The following LDB2 variants were observed in gnomAD, a reference collection of about 807,000 sequenced individuals.
LDB2 encodes the protein LIM domain binding 2, also known as LIM domain-binding protein 2.
LDB2 carries 12 observed loss-of-function variants against 44.3 expected under a neutral mutation model. The observed-to-expected ratio is 0.27, with a 90% confidence interval of 0.17 to 0.44. LDB2 has a LOEUF of 0.44. Ranked by LOEUF, LDB2 falls within the 20% of genes least tolerant of loss-of-function variation. The pLI is 1.00. For synonymous variants in LDB2, 164 were observed against 174.8 expected, an observed-to-expected ratio of 0.94 and a Z score of 0.49; for missense variants, 344 against 473.5, an observed-to-expected ratio of 0.73 and a Z score of 2.54.
chr4:16,692,772 TTGA>T (rs1751115661), intron 2 of LDB2, among the ~76,000 whole-genome samples: 1 of 152,068 alleles, frequency 6.6e-6, no homozygotes, highest in African/African-American at 2.4e-5. Flanking sequence ...TGAGGCTGAG[TTGA>T]CCTGTGCTAA....
chr4:16,664,820 G>C (rs147757294), intron 2 of LDB2, among the ~76,000 whole-genome samples: 1 of 152,212 alleles, frequency 6.6e-6, no homozygotes, highest in African/African-American at 2.4e-5. Flanking sequence ...TCGGGTGTCG[G>C]CTGGATGCCA....
intron 2 of LDB2, among the ~76,000 whole-genome samples, chr4:16,624,191 TA>T (rs1729661126): frequency 6.6e-6 from 1 of 152,234 alleles, no homozygotes; most frequent in Non-Finnish European, 1.5e-5. Context: ...TTCACTATAG[TA>T]ATCATTGTTA....
chr4:16,842,274 G>C (rs984182618), intron 1 of LDB2, among the ~76,000 whole-genome samples: 2 of 152,114 alleles, frequency 1.3e-5, no homozygotes, highest in African/African-American at 4.8e-5. Flanking sequence ...ACCTTGAAGA[G>C]GCTTGTTCAA....
At chr4:16,769,762 A>G (rs1770230206) in intron 1 of LDB2, among the ~76,000 whole-genome samples, 1 of 152,168 alleles carries the variant, frequency 6.6e-6, no homozygotes, top group South Asian at 2.1e-4. Flanking sequence ...CATACTACCA[A>G]CATAGCAAAT....
intron 5 of LDB2, among the ~76,000 whole-genome samples, chr4:16,558,868 G>A (rs1207561115): frequency 1.3e-5 from 2 of 152,204 alleles, no homozygotes; most frequent in African/African-American, 2.4e-5. Flanking sequence ...TCTCTCGGCA[G>A]AAACTCTACA....
At chr4:16,539,068 T>C (rs539629858) in intron 5 of LDB2, among the ~76,000 whole-genome samples, 1 of 152,098 alleles carries the variant, frequency 6.6e-6, no homozygotes, top group Admixed American at 6.5e-5. Context: ...GATGTGTGAA[T>C]GGTTAAGTGA....
intron 2 of LDB2, among the ~76,000 whole-genome samples, chr4:16,720,227 T>G (rs937558092): frequency 3.3e-5 from 5 of 150,420 alleles, no homozygotes; most frequent in Non-Finnish European, 7.4e-5. Flanking sequence ...CAGTTGACTT[T>G]AAGAAAGATT....
intron 1 of LDB2, among the ~76,000 whole-genome samples, chr4:16,898,135 T>A (rs1275719151): frequency 6.6e-6 from 1 of 151,514 alleles, no homozygotes; most frequent in Non-Finnish European, 1.5e-5. Context: ...AAGTGCTGGG[T>A]TGTCTCAAGA....
At chr4:16,799,527 T>C (rs1777368233) in intron 1 of LDB2, among the ~76,000 whole-genome samples, 1 of 152,242 alleles carries the variant, frequency 6.6e-6, no homozygotes, top group Admixed American at 6.5e-5. Flanking sequence ...TGCCCCATCC[T>C]TTCCTTTCCT....
chr4:16,636,692 G>A (rs1733703614), intron 2 of LDB2, among the ~76,000 whole-genome samples: 2 of 152,066 alleles, frequency 1.3e-5, no homozygotes, highest in African/African-American at 2.4e-5. Context: ...TGGGGGTGGG[G>A]GACAAGAGGG....
chr4:16,731,216 G>T (rs570340778), intron 2 of LDB2, among the ~76,000 whole-genome samples: 2 of 152,310 alleles, frequency 1.3e-5, no homozygotes, highest in South Asian at 4.1e-4. Context: ...AAATGGGCTG[G>T]AATGGACTGG....
At chr4:16,519,897 C>A (rs989756650) in intron 5 of LDB2, among the ~76,000 whole-genome samples, 1 of 151,906 alleles carries the variant, frequency 6.6e-6, no homozygotes, top group Non-Finnish European at 1.5e-5. Context: ...AAGGCCAGCC[C>A]CACTGAGCCA....
chr4:16,686,024 C>T (rs1469699984), intron 2 of LDB2, among the ~76,000 whole-genome samples: 3 of 151,988 alleles, frequency 2.0e-5, no homozygotes, highest in Non-Finnish European at 4.4e-5. Flanking sequence ...TGCACTCCAG[C>T]ATGGGTGACA....
At chr4:16,824,504 T>G (rs1782694557) in intron 1 of LDB2, among the ~76,000 whole-genome samples, 1 of 152,206 alleles carries the variant, frequency 6.6e-6, no homozygotes. Flanking sequence ...TGTCCAAACA[T>G]TGTCTCATCT....
chr4:16,646,186 C>A (rs148735370), intron 2 of LDB2, among the ~76,000 whole-genome samples: 1 of 152,214 alleles, frequency 6.6e-6, no homozygotes, highest in Non-Finnish European at 1.5e-5. Flanking sequence ...AGACTGGCTT[C>A]TAAGTTTCCA....
At chr4:16,506,053 G>T in intron 7 of LDB2, 2 of 1,494,604 alleles carry the variant, frequency 1.3e-6, no homozygotes, top group Non-Finnish European at 1.8e-6. Flanking sequence ...CATCGCTGCC[G>T]CAGCAGCTAC....
At chr4:16,515,088 T>C (rs1182084815) in intron 5 of LDB2, among the ~76,000 whole-genome samples, 1 of 152,318 alleles carries the variant, frequency 6.6e-6, no homozygotes, top group African/African-American at 2.4e-5. Flanking sequence ...ACATTCACCA[T>C]AGAATACTAC....
At chr4:16,806,843 C>T (rs1258786069) in intron 1 of LDB2, among the ~76,000 whole-genome samples, 3 of 151,826 alleles carry the variant, frequency 2.0e-5, no homozygotes, top group Non-Finnish European at 2.9e-5. Context: ...GCTACTTCAC[C>T]TCTTCTTGTT....
At chr4:16,858,547 T>G (rs1457647063) in intron 1 of LDB2, among the ~76,000 whole-genome samples, 1 of 152,196 alleles carries the variant, frequency 6.6e-6, no homozygotes, top group African/African-American at 2.4e-5. Flanking sequence ...AAGTCCATTT[T>G]CTGATCAGAT....
Sources: allele counts gnomAD v4.1 joint callset (sites outside exome capture counted in the v4.1 genomes callset), GRCh38; gene constraint gnomAD v4.1.1; transcripts MANE v1.5; gene names NCBI Gene and HGNC (gene_info 2026-07-23, HGNC 2026-07-21).